ST6GALNAC3: variants seen among roughly 807,000 people sequenced by gnomAD.
ST6GALNAC3 encodes ST6 N-acetylgalactosaminide alpha-2,6-sialyltransferase 3, also known as alpha-N-acetylgalactosaminide alpha-2,6-sialyltransferase 3.
In ST6GALNAC3, 25 loss-of-function variants were observed where a neutral mutation model predicts 32.7. The ratio of observed to expected loss-of-function variants is 0.76; its 90% CI spans 0.56 to 1.07. The LOEUF (loss-of-function observed/expected upper bound fraction) is 1.07. Among genes scored for constraint, ST6GALNAC3 ranks in the 50% least tolerant of loss-of-function variants. ST6GALNAC3 has a pLI of 0.00. For missense variants in ST6GALNAC3, 355 were observed against 382.4 expected, an observed-to-expected ratio of 0.93 and a Z score of 0.60; for synonymous variants, 129 against 133.1, an observed-to-expected ratio of 0.97 and a Z score of 0.21.
chr1:76,510,267 T>C (rs1419448271), intron 3 of ST6GALNAC3, among the ~76,000 whole-genome samples: 2 of 152,130 alleles, frequency 1.3e-5, no homozygotes, highest in Non-Finnish European at 2.9e-5. Flanking sequence ...GTCTTCACCA[T>C]TTGGAGGCAT....
chr1:76,263,219 C>T (rs1658344284), intron 1 of ST6GALNAC3, among the ~76,000 whole-genome samples: 1 of 152,142 alleles, frequency 6.6e-6, no homozygotes, highest in South Asian at 2.1e-4. Context: ...TCTCTGTCAG[C>T]TTCAGTTTCC....
intron 3 of ST6GALNAC3, chr1:76,576,782 G>A: frequency 8.3e-7 from 1 of 1,207,092 alleles, no homozygotes; most frequent in Non-Finnish European, 1.1e-6. Flanking sequence ...GATAGCTAAA[G>A]TAGTGATTTG....
chr1:76,310,019 G>A (rs1404502286), intron 1 of ST6GALNAC3: 1 of 492,282 alleles, frequency 2.0e-6, no homozygotes, highest in Admixed American at 2.1e-5. Flanking sequence ...GATTCAGAAA[G>A]GCTATCCACA....
chr1:76,433,949 CTATT>C (rs1017825073), intron 3 of ST6GALNAC3, among the ~76,000 whole-genome samples: 4 of 152,282 alleles, frequency 2.6e-5, no homozygotes, highest in Non-Finnish European at 5.9e-5. Flanking sequence ...TACTTTTTAT[CTATT>C]TATTCATTCA....
chr1:76,262,317 C>T (rs74092738), intron 1 of ST6GALNAC3, among the ~76,000 whole-genome samples: 14,659 of 152,270 alleles, frequency 0.096, 808 homozygotes, highest in Middle Eastern at 0.16. Flanking sequence ...CTCTGCCTGA[C>T]ACCAGTGCCA....
At chr1:76,564,202 G>A (rs1665413020) in intron 3 of ST6GALNAC3, among the ~76,000 whole-genome samples, 1 of 152,220 alleles carries the variant, frequency 6.6e-6, no homozygotes, top group African/African-American at 2.4e-5. Context: ...TGAAGCTTGT[G>A]TCAGCGCCTC....
intron 1 of ST6GALNAC3, among the ~76,000 whole-genome samples, chr1:76,161,181 C>T (rs927072843): frequency 2.6e-5 from 4 of 152,168 alleles, no homozygotes; most frequent in African/African-American, 9.7e-5. Context: ...TATTCCTTCT[C>T]CAAGGTTCTC....
intron 2 of ST6GALNAC3, among the ~76,000 whole-genome samples, chr1:76,336,427 T>C (rs1647479419): frequency 6.6e-6 from 1 of 152,138 alleles, no homozygotes; most frequent in Admixed American, 6.6e-5. Flanking sequence ...TTCCAAACAG[T>C]AATGTATTTT....
At chr1:76,147,067 T>C (rs927208467) in intron 1 of ST6GALNAC3, among the ~76,000 whole-genome samples, 22 of 149,516 alleles carry the variant, frequency 1.5e-4, no homozygotes, top group Non-Finnish European at 2.7e-4. Context: ...CCCACTTCTT[T>C]TTTTTTTTTT....
intron 1 of ST6GALNAC3, among the ~76,000 whole-genome samples, chr1:76,202,306 G>GTACA (rs1342957070): frequency 8.5e-5 from 12 of 140,410 alleles, no homozygotes; most frequent in Non-Finnish European, 1.2e-4. Flanking sequence ...GTGTGTGTAT[G>GTACA]TACATACACA....
At chr1:76,141,744 G>T (rs775156175) in intron 1 of ST6GALNAC3, among the ~76,000 whole-genome samples, 3 of 152,064 alleles carry the variant, frequency 2.0e-5, no homozygotes, top group Non-Finnish European at 4.4e-5. Flanking sequence ...CAAGCAAAAT[G>T]GATCTAGCAT....
downstream of ST6GALNAC3, among the ~76,000 whole-genome samples, chr1:76,636,298 T>TTC (rs1649504075): frequency 6.6e-6 from 1 of 152,156 alleles, no homozygotes; most frequent in African/African-American, 2.4e-5. Flanking sequence ...GATCTGTGGT[T>TTC]AAAGTAGGAT....
chr1:76,223,923 C>A (rs1351003909), intron 1 of ST6GALNAC3, among the ~76,000 whole-genome samples: 2 of 152,174 alleles, frequency 1.3e-5, no homozygotes, highest in Non-Finnish European at 1.5e-5. Context: ...AGTCTTTCTG[C>A]AAACTTCTGT....
intron 1 of ST6GALNAC3, among the ~76,000 whole-genome samples, chr1:76,272,118 G>A (rs546613768): frequency 6.6e-6 from 1 of 151,936 alleles, no homozygotes; most frequent in Non-Finnish European, 1.5e-5. Flanking sequence ...ATGAGGTCAA[G>A]AGATTGAGAT....
At chr1:76,178,205 A>G (rs1462363898) in intron 1 of ST6GALNAC3, among the ~76,000 whole-genome samples, 1 of 152,248 alleles carries the variant, frequency 6.6e-6, no homozygotes, top group Non-Finnish European at 1.5e-5. Context: ...TAAACAATGT[A>G]AAGAAGTAGA....
intron 1 of ST6GALNAC3, among the ~76,000 whole-genome samples, chr1:76,128,597 AG>A (rs1426403981): frequency 2.6e-5 from 4 of 152,342 alleles, no homozygotes; most frequent in African/African-American, 9.6e-5. Context: ...TCAAGATGCC[AG>A]GACAAAAACC....
intron 3 of ST6GALNAC3, among the ~76,000 whole-genome samples, chr1:76,511,570 G>T (rs1233928546): frequency 6.6e-6 from 1 of 152,198 alleles, no homozygotes; most frequent in Admixed American, 6.5e-5. Flanking sequence ...TTAGAGCAAA[G>T]ATACAGAATT....
At chr1:76,568,253 C>G (rs1665669137) in intron 3 of ST6GALNAC3, among the ~76,000 whole-genome samples, 4 of 152,160 alleles carry the variant, frequency 2.6e-5, no homozygotes, top group Admixed American at 6.5e-5. Context: ...CACAAGTACA[C>G]AGCAGAGGCA....
intron 3 of ST6GALNAC3, among the ~76,000 whole-genome samples, chr1:76,513,185 T>A (rs898264765): frequency 1.8e-4 from 27 of 152,172 alleles, no homozygotes; most frequent in Admixed American, 1.6e-3. Flanking sequence ...GCTTTTGAGG[T>A]CTTATTTTTA....
Sources: allele counts gnomAD v4.1 joint callset (sites outside exome capture counted in the v4.1 genomes callset), GRCh38; gene constraint gnomAD v4.1.1; transcripts MANE v1.5; gene names NCBI Gene and HGNC (gene_info 2026-07-23, HGNC 2026-07-21).